ALMS1: variants seen among roughly 807,000 people sequenced by gnomAD.
ALMS1 encodes the protein ALMS1 centrosome and basal body associated protein, also known as centrosome-associated protein ALMS1.
In ALMS1, 271 loss-of-function variants were observed where a neutral mutation model predicts 352.2. The observed-to-expected ratio is 0.77, with a 90% CI of 0.70 to 0.85. ALMS1 has a LOEUF of 0.85. ALMS1 is among the 40% of genes least tolerant of loss of function. The pLI, the probability that ALMS1 is intolerant of heterozygous loss-of-function variation, is 0.00. For synonymous variants in ALMS1, 1,865 were observed against 1,761.2 expected (o/e 1.06, Z -1.48); for missense variants, 5,445 against 4,870.7 (o/e 1.12, Z -3.51).
intron 2 of ALMS1, among the ~76,000 whole-genome samples, chr2:73,412,098 A>G (rs1457790847): frequency 1.3e-5 from 2 of 152,234 alleles, no homozygotes; most frequent in Admixed American, 6.5e-5. Context: ...TAGGTTAAAC[A>G]TATCAAAATT....
intron 12 of ALMS1, among the ~76,000 whole-genome samples, chr2:73,544,413 T>C (rs1274875434): frequency 6.6e-6 from 1 of 151,912 alleles, no homozygotes; most frequent in Non-Finnish European, 1.5e-5. Context: ...ATACCTAATG[T>C]TAAATGACGA....
rs746651541 is a variant in ALMS1 at position 73,558,991 on chromosome 2, T to G, written c.10233T>G (p.Ala3411=). Residue 3411 remains alanine (A), a synonymous_variant, in exon 15 of 23, where the codon GCT becomes GCG. Transcript: ENST00000613296. ...KDTADSSAAA[A]AEHSAQVGDP... ...TCGTAGATTCCAGTGCTGCTGCTGCTGCAGAGCACTCAGCTCAAGTAGGAG... is the reference window on the plus strand; with the variant it reads ...TCGTAGATTCCAGTGCTGCTGCTGCGGCAGAGCACTCAGCTCAAGTAGGAG... 5.0e-6 allele frequency: 8 copies of G among 1,613,930 alleles called. No individual in the cohort carries two copies. The African/African-American group carries it at 8.0e-5, about 16-fold the overall frequency.
intron 1 of ALMS1, among the ~76,000 whole-genome samples, 198 bp from the exon 2 acceptor site, chr2:73,408,424 G>T (rs992898914): frequency 1.3e-5 from 2 of 152,192 alleles, no homozygotes; most frequent in Non-Finnish European, 2.9e-5. Context: ...GAACTGCTGT[G>T]GTTTATGCAA....
intron 9 of ALMS1, among the ~76,000 whole-genome samples, chr2:73,481,348 G>T (rs1001427207): frequency 1.3e-4 from 20 of 152,012 alleles, no homozygotes; most frequent in Non-Finnish European, 1.8e-4. Context: ...TTTCCCCATT[G>T]CTTGTTTTTC....
chr2:73,540,193 G>C (rs1674140955), intron 12 of ALMS1, among the ~76,000 whole-genome samples: 1 of 152,276 alleles, frequency 6.6e-6, no homozygotes, highest in Non-Finnish European at 1.5e-5. Flanking sequence ...CTCCAATCCA[G>C]AAGAGAGTGG....
At chr2:73,559,260 T>C (rs1573019781) in intron 15 of ALMS1, 118 bp downstream of exon 15, 2 of 1,309,238 alleles carry the variant, frequency 1.5e-6, no homozygotes, top group Non-Finnish European at 2.1e-6. Context: ...AAAAATTCCT[T>C]TTCTTTTTTT....
In ALMS1 at chr2:73,449,618, A is replaced by G. The variant is rs72811915; in HGVS notation, c.3091A>G (p.Thr1031Ala). Residue 1031 changes from threonine (T) to alanine (A), a missense_variant, in exon 8 of 23, where the codon ACT (threonine) becomes GCT (alanine). By Grantham distance (58) the Thr-to-Ala change is moderately conservative. Coordinates refer to ENST00000613296, the MANE Select transcript of ALMS1 (RefSeq NM_001378454.1). ...YATEKALKVS[T>A]GPGPADQKTE... ...AACTGAAAAGGCTCTGAAAGTTTCAACTGGCCCTGGACCAGCTGACCAGAA... is the reference window on the plus strand; with the variant it reads ...AACTGAAAAGGCTCTGAAAGTTTCAGCTGGCCCTGGACCAGCTGACCAGAA... 18 of 1,613,864 alleles carry G rather than the reference A, an allele frequency of 1.1e-5. No homozygotes were observed. The Middle Eastern group carries it at 4.9e-4, about 44-fold the overall frequency.
At chr2:73,515,413 C>T (rs934206061) in intron 10 of ALMS1, among the ~76,000 whole-genome samples, 13 of 151,658 alleles carry the variant, frequency 8.6e-5, no homozygotes, top group African/African-American at 2.7e-4. Flanking sequence ...CTATTTTTTC[C>T]TCTCAATTTT....
intron 10 of ALMS1, among the ~76,000 whole-genome samples, chr2:73,496,581 C>T (rs1027549047): frequency 1.4e-5 from 2 of 142,180 alleles, no homozygotes; most frequent in Non-Finnish European, 3.3e-5. Context: ...ACAGTAAATA[C>T]TAAGAAAGAG....
chr2:73,490,524 A>C lies in ALMS1; in HGVS notation c.8565A>C (p.Gly2855=), dbSNP rs775435481. ...TGGGCAGACCAAGTTCCACCCTAGG[A>C]GTAAACAGATCGAGTTCCAGACTAG... The part of the protein sequence containing the change: ...ISMGRPSSTL[G]VNRSSSRLGV... Residue 2855 remains glycine, a synonymous_variant, in exon 10 of 23, where the codon GGA becomes GGC. Coordinates refer to ENST00000613296, the MANE Select transcript of ALMS1 (RefSeq NM_001378454.1). 4.3e-6 allele frequency: 7 copies of C among 1,614,084 alleles called. No homozygotes were observed. The highest frequency in any genetic ancestry group is 2.7e-5 in the African/African-American group (2 of 74,938).
intron 12 of ALMS1, among the ~76,000 whole-genome samples, chr2:73,549,472 C>A (rs1198522730): frequency 6.6e-6 from 1 of 152,156 alleles, no homozygotes; most frequent in Admixed American, 6.5e-5. Context: ...TTGTCCCAAA[C>A]AACTATTTTT....
intron 9 of ALMS1, among the ~76,000 whole-genome samples, chr2:73,473,266 C>T (rs1278292807): frequency 2.6e-5 from 4 of 151,322 alleles, no homozygotes; most frequent in African/African-American, 4.8e-5. Context: ...TTTTTTCTTT[C>T]CTATTACCTT....
intron 1 of ALMS1, among the ~76,000 whole-genome samples, chr2:73,406,783 G>A (rs1342457884): frequency 6.6e-6 from 1 of 152,064 alleles, no homozygotes. Context: ...AGGCCACCAT[G>A]CCTGACTAAT....
At chr2:73,554,880 T>G (rs1674511709) in intron 13 of ALMS1, among the ~76,000 whole-genome samples, 1 of 152,256 alleles carries the variant, frequency 6.6e-6, no homozygotes, top group Admixed American at 6.5e-5. Context: ...AAAAAGATAT[T>G]TTAAAAAGCA....
chr2:73,479,505 C>T (rs1460247748), intron 9 of ALMS1, among the ~76,000 whole-genome samples: 1 of 152,106 alleles, frequency 6.6e-6, no homozygotes, highest in Non-Finnish European at 1.5e-5. Context: ...GCCTTTTTTT[C>T]ACTCAGCATA....
chr2:73,602,492 T>C (rs185228521), intron 20 of ALMS1, 124 bp downstream of exon 20: 340 of 1,180,024 alleles, frequency 2.9e-4, no homozygotes, highest in Non-Finnish European at 3.9e-4. Context: ...ACCTTTTGCT[T>C]GCCAAGACTC....
chr2:73,493,978 T>C (rs1673049600), intron 10 of ALMS1, among the ~76,000 whole-genome samples: 1 of 152,160 alleles, frequency 6.6e-6, no homozygotes, highest in Non-Finnish European at 1.5e-5. Context: ...TCTCAGAACG[T>C]TGCAAACAAG....
intron 16 of ALMS1, among the ~76,000 whole-genome samples, chr2:73,574,108 A>G (rs896149669): frequency 2.6e-5 from 4 of 152,200 alleles, no homozygotes; most frequent in Non-Finnish European, 5.9e-5. Flanking sequence ...TAAAAAGAGA[A>G]CAAAATTTTT....
At chr2:73,406,994 C>T (rs1403604359) in intron 1 of ALMS1, among the ~76,000 whole-genome samples, 3 of 152,140 alleles carry the variant, frequency 2.0e-5, no homozygotes, top group Non-Finnish European at 4.4e-5. Context: ...ATTGTTTAAC[C>T]ATTAACATAC....
Sources: gnomAD v4.1 joint callset for allele counts (sites outside exome capture counted in the v4.1 genomes callset) on GRCh38, gnomAD v4.1.1 for gene constraint, MANE v1.5 for transcripts, NCBI Gene and HGNC (gene_info 2026-07-23, HGNC 2026-07-21) for gene names.